C8A: variants seen among roughly 807,000 people sequenced by gnomAD.
C8A encodes the protein complement component C8 alpha chain.
C8A carries 67 observed loss-of-function variants against 65.3 expected under a neutral mutation model. The ratio of observed to expected loss-of-function variants is 1.03; its 90% CI spans 0.84 to 1.26. The LOEUF is 1.26. Ranked by LOEUF, C8A falls within the 50% of genes most tolerant of loss-of-function variation. The probability of loss-of-function intolerance (pLI) is 0.00; values close to 1 mark genes in which losing one functional copy is unlikely to be tolerated. For missense variants in C8A, 781 were observed against 723.9 expected, an observed-to-expected ratio of 1.08 and a Z score of -0.90; for synonymous variants, 290 against 259.4, an observed-to-expected ratio of 1.12 and a Z score of -1.13.
At chr1:56,873,843 C>T (rs1557700372) in intron 2 of C8A, among the ~76,000 whole-genome samples, 2 of 152,150 alleles carry the variant, frequency 1.3e-5, no homozygotes, top group African/African-American at 2.4e-5. Flanking sequence ...CTAGGGTCTA[C>T]GCTTCTTGAA....
At chr1:56,889,874 G>T (rs967636629) in intron 7 of C8A, among the ~76,000 whole-genome samples, 15 of 152,110 alleles carry the variant, frequency 9.9e-5, no homozygotes, top group Non-Finnish European at 2.2e-4. Context: ...AGTCTTGGAT[G>T]TTAGGGAGGT....
chr1:56,876,625 G>T (rs961921692), intron 4 of C8A, among the ~76,000 whole-genome samples: 3 of 151,872 alleles, frequency 2.0e-5, no homozygotes, highest in Non-Finnish European at 4.4e-5. Context: ...CAGGGCTAAT[G>T]GTGTGACACA....
intron 7 of C8A, among the ~76,000 whole-genome samples, chr1:56,889,551 T>C (rs1644328552): frequency 6.6e-6 from 1 of 152,144 alleles, no homozygotes; most frequent in Non-Finnish European, 1.5e-5. Flanking sequence ...TTCCTCTTTG[T>C]CACTGTCTTT....
chr1:56,913,281 A>G (rs1216102800), intron 10 of C8A, among the ~76,000 whole-genome samples: 1 of 152,244 alleles, frequency 6.6e-6, no homozygotes. Flanking sequence ...GTTCACAGGT[A>G]ACAAGGGTTT....
Position 56,912,598 on chromosome 1 carries a change from G to A in C8A, c.1576G>A (p.Ala526Thr), listed in dbSNP as rs1644518361. ...RCQCRLGSLG[A>T]ACEQTQTEGA... ...CCAGTGCCGCCTGGGTAGCTTGGGT[G>A]CTGCCTGTGAGCAAACACAGACAGA... Residue 526 changes from alanine (A) to threonine (T), a missense_variant, in exon 10 of 11, where the codon GCT becomes ACT. Coordinates refer to ENST00000361249, the MANE Select transcript of C8A (RefSeq NM_000562.3). 1 of 1,614,204 alleles carries A rather than the reference G, an allele frequency of 6.2e-7. No homozygotes were observed. The highest frequency in any genetic ancestry group is 8.5e-7 in the Non-Finnish European group (1 of 1,180,020).
intron 7 of C8A, among the ~76,000 whole-genome samples, chr1:56,888,496 T>C (rs967853779): frequency 2.6e-5 from 4 of 152,162 alleles, no homozygotes; most frequent in Admixed American, 2.6e-4. Flanking sequence ...TCAATGTATA[T>C]GGATCACAAG....
chr1:56,864,025 C>G (rs1644060288), intron 1 of C8A, among the ~76,000 whole-genome samples: 2 of 152,224 alleles, frequency 1.3e-5, no homozygotes, highest in African/African-American at 4.8e-5. Flanking sequence ...CAAATATAGA[C>G]AGTATCTGCA....
chr1:56,869,510 C>CT (rs1229121663), intron 2 of C8A, among the ~76,000 whole-genome samples: 5 of 152,060 alleles, frequency 3.3e-5, no homozygotes, highest in East Asian at 1.9e-4. Flanking sequence ...ATATAATGAC[C>CT]TTTTTTTCCG....
intron 5 of C8A, 89 bp from the exon 6 acceptor site, chr1:56,883,392 A>G (rs959843012): frequency 8.4e-7 from 1 of 1,194,680 alleles, no homozygotes; most frequent in African/African-American, 1.5e-5. Context: ...AATTTTAGAT[A>G]TTTTACAAAG....
intron 1 of C8A, among the ~76,000 whole-genome samples, chr1:56,863,434 GC>G (rs1177880855): frequency 2.0e-5 from 3 of 152,142 alleles, no homozygotes; most frequent in Non-Finnish European, 4.4e-5. Flanking sequence ...TAAAACTACA[GC>G]AATACACCAA....
chr1:56,867,345 C>T (rs565685582), intron 1 of C8A, among the ~76,000 whole-genome samples: 35 of 152,266 alleles, frequency 2.3e-4, no homozygotes, highest in African/African-American at 8.4e-4. Context: ...ATTGTTAGCC[C>T]TCTTTAATAT....
intron 7 of C8A, among the ~76,000 whole-genome samples, chr1:56,903,653 A>T (rs1644443018): frequency 6.6e-6 from 1 of 152,206 alleles, no homozygotes; most frequent in Non-Finnish European, 1.5e-5. Flanking sequence ...TATCCAAGGC[A>T]TTGACAAAGG....
chr1:56,889,874 G>A (rs967636629), intron 7 of C8A, among the ~76,000 whole-genome samples: 1 of 152,110 alleles, frequency 6.6e-6, no homozygotes, highest in Non-Finnish European at 1.5e-5. Context: ...AGTCTTGGAT[G>A]TTAGGGAGGT....
At chr1:56,909,992 G>A (rs1274708513) in intron 9 of C8A, among the ~76,000 whole-genome samples, 1 of 152,192 alleles carries the variant, frequency 6.6e-6, no homozygotes, top group Non-Finnish European at 1.5e-5. Context: ...GCCACGGGCA[G>A]GCTTTATAGC....
chr1:56,859,878 A>G (rs1017746434), intron 1 of C8A, among the ~76,000 whole-genome samples: 3 of 152,158 alleles, frequency 2.0e-5, no homozygotes, highest in African/African-American at 4.8e-5. Flanking sequence ...CCTGACCAAC[A>G]TGGTGAAACT....
intron 2 of C8A, among the ~76,000 whole-genome samples, chr1:56,868,608 ACC>A (rs1245993650): frequency 6.6e-6 from 1 of 152,020 alleles, no homozygotes; most frequent in East Asian, 1.9e-4. Context: ...ACAGAGCCAG[ACC>A]CTGTCTCATA....
At chr1:56,892,721 T>C (rs1644357400) in intron 7 of C8A, among the ~76,000 whole-genome samples, 1 of 152,116 alleles carries the variant, frequency 6.6e-6, no homozygotes, top group Non-Finnish European at 1.5e-5. Context: ...TGGAACAAAG[T>C]TGGTGGTGGT....
At position 56,917,976 on chromosome 1, in the gene C8A, C is replaced by T. The variant is rs974062697; in HGVS notation, c.*260C>T. 5.3e-6 allele frequency: 2 copies of T among 378,418 alleles called. No homozygotes were observed. Among genetic ancestry groups the T allele is most frequent in the Non-Finnish European group, 9.5e-6 (2 of 209,566 alleles). The allele number at this position is 378,418 out of a possible 1,614,324, so 23.4% of individuals were successfully genotyped here. On this transcript the variant is annotated 3_prime_UTR_variant, in exon 11 of 11. Transcript: ENST00000361249. ...TCCTACTTACAGCACTTTGGATCAT[C>T]AAAAAAATAAAGTAAAATAGAAAAC... is the stretch of plus-strand genomic sequence containing the variant.
At chr1:56,874,640 T>G (rs543355004) in intron 2 of C8A, among the ~76,000 whole-genome samples, 14 of 152,122 alleles carry the variant, frequency 9.2e-5, no homozygotes, top group African/African-American at 3.4e-4. Flanking sequence ...GAAAGATTAA[T>G]AGGAATTTAA....
Sources: allele counts gnomAD v4.1 joint callset (sites outside exome capture counted in the v4.1 genomes callset), GRCh38; gene constraint gnomAD v4.1.1; transcripts MANE v1.5; gene names NCBI Gene and HGNC (gene_info 2026-07-23, HGNC 2026-07-21).